The following PRSS36 variants were observed in gnomAD, a reference collection of about 807,000 sequenced individuals.
The protein encoded by PRSS36 is polyserase-2.
A neutral mutation model predicts 94.3 loss-of-function variants in PRSS36; 90 were observed. The ratio of observed to expected loss-of-function variants is 0.95; its 90% CI spans 0.80 to 1.14. The LOEUF (loss-of-function observed/expected upper bound fraction) is 1.14, where lower values mean the gene tolerates loss of function less well. Ranked by LOEUF, PRSS36 falls within the 50% of genes most tolerant of loss-of-function variation. PRSS36 has a pLI of 0.00. For synonymous variants in PRSS36, 500 were observed against 489.6 expected, an observed-to-expected ratio of 1.02 and a Z score of -0.28; for missense variants, 1,158 against 1,135.0, an observed-to-expected ratio of 1.02 and a Z score of -0.29.
chr16:31,141,838 T>C lies in PRSS36; in HGVS notation c.1644A>G (p.Pro548=), dbSNP rs762565040. 10 of 1,614,128 alleles carry C rather than the reference T, an allele frequency of 6.2e-6. No homozygotes were observed. Among genetic ancestry groups the C allele is most frequent in the Non-Finnish European group, 5.1e-6 (6 of 1,180,024 alleles). The stretch of plus-strand genomic sequence containing the variant: ...CTCCCCGAGTCACATGGCTGATCCA[T>C]GGGCCATGAGTCTGCAGAGGGAAGA... ...RAFFPLQTHG[P]WISHVTRGAY... The change falls in exon 11 of 15, where the codon CCA becomes CCG. Residue 548 remains proline (P), a synonymous_variant. Coordinates refer to ENST00000268281, the MANE Select transcript of PRSS36 (RefSeq NM_173502.5).
Position 31,140,316 on chromosome 16 carries a change from T to A in PRSS36, c.2267A>T (p.Glu756Val). The A allele has an allele frequency of 6.2e-7, 1 of 1,613,260 alleles. No homozygotes were observed. The highest frequency in any genetic ancestry group is 8.5e-7 in the Non-Finnish European group (1 of 1,179,704). The change falls in exon 14 of 15, where the codon GAG (glutamate) becomes GTG (valine). Residue 756 changes from glutamate (E) to valine (V), a missense_variant. Glu to Val is a moderately radical substitution (Grantham distance 121). Coordinates refer to ENST00000268281, the MANE Select transcript of PRSS36 (RefSeq NM_173502.5). ...PPGTLCVLYA[E>V]GQENRCEMTS... The stretch of plus-strand genomic sequence containing the variant: ...TACCTCACACCTGTTCTCCTGCCCC[T>A]CTGCATACAGGACACAGAGGGTTCC...
chr16:31,146,611 CGG>C (rs1345097850), intron 5 of PRSS36, among the ~76,000 whole-genome samples: 3 of 151,988 alleles, frequency 2.0e-5, no homozygotes, highest in Admixed American at 2.0e-4. Flanking sequence ...CTGCTTTTGA[CGG>C]AAACAGCTTC....
chr16:31,140,019 G>A (rs2057657558), intron 14 of PRSS36, among the ~76,000 whole-genome samples: 1 of 149,986 alleles, frequency 6.7e-6, no homozygotes, highest in Non-Finnish European at 1.5e-5. Context: ...GTGAAACCCC[G>A]TCTCTACTAA....
intron 5 of PRSS36, among the ~76,000 whole-genome samples, chr16:31,147,340 C>A (rs1406671680): frequency 6.6e-6 from 1 of 152,140 alleles, no homozygotes; most frequent in Non-Finnish European, 1.5e-5. Flanking sequence ...GTTAGGATGG[C>A]CTGGCCCCAT....
At position 31,148,661 on chromosome 16, in the gene PRSS36, T is replaced by C; in HGVS notation, c.287A>G (p.Glu96Gly). 1.9e-6 allele frequency: 3 copies of C among 1,612,512 alleles called. No individual in the cohort carries two copies. The highest frequency in any genetic ancestry group is 2.5e-6 in the Non-Finnish European group (3 of 1,179,732). ...AHCFMTNGTLEPAAEWSVLLG... is the reference protein window; with the variant it reads ...AHCFMTNGTLGPAAEWSVLLG... ...CAGTACCGACCACTCGGCCGCGGGC[T>C]CCAGCGTCCCATTCCTGCGCTCGAC... Residue 96 changes from glutamate (E) to glycine (G), a missense_variant, in exon 5 of 15, where the codon GAG becomes GGG. Transcript: ENST00000268281.
At chr16:31,139,775 G>A (rs548560482) in intron 14 of PRSS36, among the ~76,000 whole-genome samples, 1 of 151,562 alleles carries the variant, frequency 6.6e-6, no homozygotes, top group Non-Finnish European at 1.5e-5. Flanking sequence ...AGCTACTAGG[G>A]AGGCTGAGGC....
chr16:31,146,474 A>T (rs999437414), intron 5 of PRSS36, among the ~76,000 whole-genome samples: 5 of 152,202 alleles, frequency 3.3e-5, no homozygotes, highest in Non-Finnish European at 7.3e-5. Context: ...GGGCCTGGAT[A>T]ACTGACCCAG....
At position 31,140,421 on chromosome 16, in the gene PRSS36, G is replaced by C; in HGVS notation, c.2168-6C>G. ...GACAGCAGCAGCCACAGGGACTGGGGAGAGGAGACAAAGTTGTTCCAGGGC... is the reference window on the plus strand; with the variant it reads ...GACAGCAGCAGCCACAGGGACTGGGCAGAGGAGACAAAGTTGTTCCAGGGC... On this transcript the variant is annotated splice_polypyrimidine_tract_variant and splice_region_variant and intron_variant, in intron 13 of 14. Coordinates refer to ENST00000268281, the MANE Select transcript of PRSS36 (RefSeq NM_173502.5). The C allele has an allele frequency of 1.2e-6, 2 of 1,612,822 alleles. No homozygotes were observed. Among genetic ancestry groups the C allele is most frequent in the Non-Finnish European group, 1.7e-6 (2 of 1,179,422 alleles).
At chr16:31,139,879 CAAAAA>C (rs71151448) in intron 14 of PRSS36, among the ~76,000 whole-genome samples, 2 of 42,498 alleles carry the variant, frequency 4.7e-5, no homozygotes, top group Admixed American at 3.7e-4. Flanking sequence ...GACTCAGTCT[CAAAAA>C]AAAAAAAAAA....
chr16:31,149,475 G>T lies in PRSS36; in HGVS notation c.97C>A (p.Pro33Thr), dbSNP rs1850960526. ...DSALSPTQEE[P>T]EDLDCGRPEP... ...GCCTCTTCCTTACCCAGATCTTCAG[G>T]TTCTTCCTGGGTAGGACTGAGAGCT... The change falls in exon 3 of 15, where the codon CCT becomes ACT. Residue 33 changes from proline (P) to threonine (T), a missense_variant. Physicochemically the swap from Pro to Thr is conservative, Grantham distance 38. Coordinates refer to ENST00000268281, the MANE Select transcript of PRSS36 (RefSeq NM_173502.5). The T allele has an allele frequency of 6.2e-7, 1 of 1,613,986 alleles. No individual in the cohort carries two copies. Among genetic ancestry groups the T allele is most frequent in the Non-Finnish European group, 8.5e-7 (1 of 1,180,032 alleles).
At position 31,140,488 on chromosome 16, in the gene PRSS36, T is replaced by C. The variant is rs2057667065; in HGVS notation, c.2167+4A>G. Reference sequence around the variant, plus strand: ...TCCTCGTTCCCGTGACCCAGGGGTCTCACCTCGGTCCTGGGGTTCTTTCCA... The same window carrying C: ...TCCTCGTTCCCGTGACCCAGGGGTCCCACCTCGGTCCTGGGGTTCTTTCCA... On this transcript the variant is annotated splice_donor_region_variant and intron_variant, in intron 13 of 14. Transcript: ENST00000268281. 5 of 1,586,700 alleles carry C rather than the reference T, an allele frequency of 3.2e-6. No homozygotes were observed. Among genetic ancestry groups the C allele is most frequent in the Non-Finnish European group, 4.3e-6 (5 of 1,165,542 alleles).
chr16:31,145,908 G>T lies in PRSS36; in HGVS notation c.601C>A (p.Leu201Met), dbSNP rs1247038160. 1.2e-6 allele frequency: 2 copies of T among 1,613,872 alleles called. No individual in the cohort carries two copies. The highest frequency in any genetic ancestry group is 1.7e-6 in the Non-Finnish European group (2 of 1,179,926). Residue 201 changes from leucine (L) to methionine (M), a missense_variant, in exon 6 of 15, where the codon CTG becomes ATG. Transcript: ENST00000268281. ...AGACATTGACAGGTGGCCTCGCCCA[G>T]CAGCCTTAGCTCCACTTCCTGTAGC... ...WVLQEVELRL[L>M]GEATCQCLYS... is the part of the protein sequence containing the mutation.
chr16:31,142,079 C>T, intron 10 of PRSS36, 119 bp from the exon 11 acceptor site: 1 of 831,926 alleles, frequency 1.2e-6, no homozygotes, highest in African/African-American at 1.7e-5. Flanking sequence ...GTTCCACCTT[C>T]TCCAAATCAG....
intron 6 of PRSS36, among the ~76,000 whole-genome samples, chr16:31,144,877 C>A (rs1038460188): frequency 6.6e-6 from 1 of 151,716 alleles, no homozygotes; most frequent in Admixed American, 6.6e-5. Context: ...CATTTGAGGT[C>A]GGGAGTTCGA....
Position 31,142,969 on chromosome 16 carries a change from G to A in PRSS36, c.1125C>T (p.Pro375=). Residue 375 remains proline (P), a synonymous_variant, in exon 9 of 15, where the codon CCC becomes CCT. Coordinates refer to ENST00000268281, the MANE Select transcript of PRSS36 (RefSeq NM_173502.5). ...FLDPNSSDSP[P]RDLDAWRVLL... Reference sequence around the variant, plus strand: ...GCACGCGCCAGGCGTCGAGGTCGCGGGGTGGGCTGTCGGAGCTGTTCGGGC... The same window carrying A: ...GCACGCGCCAGGCGTCGAGGTCGCGAGGTGGGCTGTCGGAGCTGTTCGGGC... The A allele has an allele frequency of 7.0e-7, 1 of 1,422,260 alleles. No homozygotes were observed. Among genetic ancestry groups the A allele is most frequent in the Non-Finnish European group, 9.1e-7 (1 of 1,093,322 alleles). The allele number at this position is 1,422,260 out of a possible 1,614,324, so 88.1% of individuals were successfully genotyped here. A position where few individuals can be genotyped will look rare whatever the true frequency, so the allele number is the denominator to read the frequency against.
chr16:31,140,792 C>T (rs1339180802), intron 12 of PRSS36, 35 bp from the exon 13 acceptor site: 2 of 1,606,426 alleles, frequency 1.2e-6, no homozygotes, highest in Non-Finnish European at 8.5e-7. Flanking sequence ...CCTTCTGCTC[C>T]TCCCATTGCT....
chr16:31,145,841 A>G lies in PRSS36; in HGVS notation c.668T>C (p.Leu223Ser). The G allele has an allele frequency of 6.2e-7, 1 of 1,614,094 alleles. No homozygotes were observed. Among genetic ancestry groups the G allele is most frequent in the South Asian group, 1.1e-5 (1 of 91,084 alleles). The change falls in exon 6 of 15, where the codon TTG becomes TCG. Residue 223 changes from leucine to serine, a missense_variant. Physicochemically the swap from Leu to Ser is moderately radical, Grantham distance 145. Transcript: ENST00000268281. ...GTAGCCAGCACACAGCATCCCTGGC[A>G]ATATCTGGAGAGTGAGGTTGAAGGG... ...PGPFNLTLQILPGMLCAGYPE... is the reference protein window; with the variant it reads ...PGPFNLTLQISPGMLCAGYPE...
chr16:31,140,238 C>T (rs989082648), intron 14 of PRSS36, 56 bp downstream of exon 14: 13 of 1,541,678 alleles, frequency 8.4e-6, no homozygotes, highest in Admixed American at 6.3e-5. Flanking sequence ...CTCTAGGGTA[C>T]AGTAGTCCAA....
At chr16:31,144,438 G>C (rs184846667) in intron 6 of PRSS36, among the ~76,000 whole-genome samples, 1 of 152,208 alleles carries the variant, frequency 6.6e-6, no homozygotes, top group Non-Finnish European at 1.5e-5. Flanking sequence ...GTCTCCTAAA[G>C]TGCTGGGATT....
Sources: gnomAD v4.1 joint callset for allele counts (sites outside exome capture counted in the v4.1 genomes callset) on GRCh38, gnomAD v4.1.1 for gene constraint, MANE v1.5 for transcripts, NCBI Gene and HGNC (gene_info 2026-07-23, HGNC 2026-07-21) for gene names.